UNC93A: variants seen among roughly 807,000 people sequenced by gnomAD.
UNC93A encodes the protein N-acetylglucosamine transporter UNC93A.
UNC93A carries 43 observed loss-of-function variants against 47.5 expected under a neutral mutation model. That is an observed-to-expected ratio of 0.91 (90% confidence interval 0.71 to 1.17). The LOEUF is 1.17. Among genes scored for constraint, UNC93A ranks in the 50% most tolerant of loss-of-function variants. The probability of loss-of-function intolerance (pLI) is 0.00; values close to 1 mark genes in which losing one functional copy is unlikely to be tolerated. For missense variants in UNC93A, 605 were observed against 577.6 expected, an observed-to-expected ratio of 1.05 and a Z score of -0.49; for synonymous variants, 280 against 258.0, an observed-to-expected ratio of 1.09 and a Z score of -0.82.
Position 167,296,049 on chromosome 6 carries a change from C to T in UNC93A, c.287C>T (p.Thr96Ile), listed in dbSNP as rs746613878. ...ACCCACAGGTACACTTTGATCCCCA[C>T]CTCCATACTGCTGGGACTCGGGGCC... is the stretch of plus-strand genomic sequence containing the variant. ...FFASWYTLIPTSILLGLGAAP... is the reference protein window; with the variant it reads ...FFASWYTLIPISILLGLGAAP... The change falls in exon 3 of 8, where the codon ACC (threonine) becomes ATC (isoleucine). Residue 96 changes from threonine (T) to isoleucine (I), a missense_variant. Thr to Ile is a moderately conservative substitution (Grantham distance 89). Transcript: ENST00000230256. 1.1e-5 allele frequency: 17 copies of T among 1,614,074 alleles called. No individual in the cohort carries two copies. Among genetic ancestry groups the T allele is most frequent in the Non-Finnish European group, 1.4e-5 (17 of 1,180,046 alleles).
chr6:167,272,816 C>T lies in UNC93A; in HGVS notation c.-52+1358C>T, dbSNP rs141664848. ...CCAAAGTTCTTATTTACAGAGGAAG[C>T]CTTCAGGTAGCAGGCTTCAGAGGGA... On this transcript the variant is annotated intron_variant, in intron 1 of 3. Transcript: ENST00000503433. 4.5e-3 allele frequency among the ~76,000 whole-genome samples: 681 copies of T among 152,222 alleles called. 8 individuals carry two copies. The highest frequency in any genetic ancestry group is 0.016 in the African/African-American group (661 of 41,522).
At chr6:167,293,570 T>A (rs1349944096) in intron 1 of UNC93A, among the ~76,000 whole-genome samples, 5 of 152,000 alleles carry the variant, frequency 3.3e-5, no homozygotes, top group Non-Finnish European at 1.5e-5. Context: ...CGAGCCCACC[T>A]CTCTCCAAGA....
At position 167,294,485 on chromosome 6, in the gene UNC93A, G is replaced by A. The variant is rs752278140; in HGVS notation, c.88-32G>A. On this transcript the variant is annotated intron_variant, in intron 1 of 7. Coordinates refer to ENST00000230256, the MANE Select transcript of UNC93A (RefSeq NM_018974.4). Reference sequence around the variant, plus strand: ...TGCCTCATCCCGCTGTGTCCATCCTGTGCTCTGACAGGGCTGGCTTTGTTC... The same window carrying A: ...TGCCTCATCCCGCTGTGTCCATCCTATGCTCTGACAGGGCTGGCTTTGTTC... The A allele has an allele frequency of 1.7e-5, 28 of 1,612,062 alleles. No homozygotes were observed. In the Admixed American group the frequency reaches 3.5e-4, roughly 20 times the overall value.
chr6:167,314,733 T>A (rs529149581), intron 7 of UNC93A, among the ~76,000 whole-genome samples: 1 of 152,316 alleles, frequency 6.6e-6, no homozygotes, highest in African/African-American at 2.4e-5. Context: ...CATTTGTCTC[T>A]TATCTACCCG....
intron 7 of UNC93A, among the ~76,000 whole-genome samples, chr6:167,314,921 G>A (rs1316873324): frequency 2.0e-5 from 3 of 152,088 alleles, no homozygotes; most frequent in Non-Finnish European, 4.4e-5. Flanking sequence ...ACCACCTTGG[G>A]CACATCTCGT....
At chr6:167,273,636 G>A (rs544268293) in intron 1 of UNC93A, among the ~76,000 whole-genome samples, 99 of 152,322 alleles carry the variant, frequency 6.5e-4, no homozygotes, top group Non-Finnish European at 1.2e-3. Flanking sequence ...AGAACGTGTG[G>A]CCCAGGTGAT....
intron 5 of UNC93A, among the ~76,000 whole-genome samples, chr6:167,305,075 C>A (rs1472542913): frequency 1.3e-5 from 2 of 151,950 alleles, no homozygotes; most frequent in African/African-American, 4.8e-5. Context: ...CTGGCAGAGG[C>A]TCTCCTTCCG....
intron 2 of UNC93A, 47 bp downstream of exon 2, chr6:167,294,745 C>A (rs114273617): frequency 3.9e-6 from 6 of 1,542,470 alleles, no homozygotes; most frequent in Non-Finnish European, 5.3e-6. Flanking sequence ...CCGTTCCCCA[C>A]GCTAGGGACG....
At chr6:167,283,753 C>A (rs1490478868) in intron 1 of UNC93A, among the ~76,000 whole-genome samples, 2 of 152,122 alleles carry the variant, frequency 1.3e-5, no homozygotes, top group African/African-American at 2.4e-5. Context: ...AACAGAGACC[C>A]TTCATCATGT....
intron 1 of UNC93A, among the ~76,000 whole-genome samples, chr6:167,274,491 C>T (rs1467787465): frequency 6.6e-6 from 1 of 152,252 alleles, no homozygotes; most frequent in Admixed American, 6.5e-5. Flanking sequence ...CCTCTTCCTG[C>T]CCAAATTTCT....
chr6:167,288,985 C>T (rs111591559), upstream of UNC93A, among the ~76,000 whole-genome samples: 778 of 147,546 alleles, frequency 5.3e-3, no homozygotes, highest in East Asian at 0.023. Context: ...CTGATAGAGC[C>T]CAGATGTTAA....
rs112751131 is a variant in UNC93A, at chr6:167,306,051, G to A, written c.976+1G>A. The A allele has an allele frequency of 9.7e-5, 157 of 1,614,092 alleles. No homozygotes were observed. In the African/African-American group the frequency reaches 1.7e-3, roughly 18 times the overall value. On this transcript the variant is annotated splice_donor_variant, in intron 6 of 7. Transcript: ENST00000230256. LOFTEE classifies it high-confidence loss of function. ...GGCAGGGCTGTGCTGTACGTGCTGG[G>A]TAGGTATCAGCGTGGGTCCCATCCC...
intron 1 of UNC93A, among the ~76,000 whole-genome samples, chr6:167,292,935 C>T (rs934197866): frequency 6.6e-6 from 1 of 152,096 alleles, no homozygotes; most frequent in Admixed American, 6.5e-5. Flanking sequence ...CTGGGGTCAG[C>T]ATTCCTAGGA....
Position 167,315,195 on chromosome 6 carries a change from G to T in UNC93A, c.1117G>T (p.Gly373Cys), listed in dbSNP as rs772759538. 7 of 1,613,584 alleles carry T rather than the reference G, an allele frequency of 4.3e-6. No individual in the cohort carries two copies. The highest frequency in any genetic ancestry group is 1.3e-5 in the African/African-American group (1 of 75,006). ...VWQTQNNALY[G>C]VLFEKSKEAA... Reference sequence around the variant, plus strand: ...CGCTCTCTCCTCTGCAGCTCTCTACGGCGTTCTGTTTGAGAAGAGCAAGGA... The same window carrying T: ...CGCTCTCTCCTCTGCAGCTCTCTACTGCGTTCTGTTTGAGAAGAGCAAGGA... The change falls in exon 8 of 8, where the codon GGC becomes TGC. Residue 373 changes from glycine to cysteine, a missense_variant. Physicochemically the swap from Gly to Cys is radical, Grantham distance 159. Coordinates refer to ENST00000230256, the MANE Select transcript of UNC93A (RefSeq NM_018974.4).
intron 1 of UNC93A, among the ~76,000 whole-genome samples, chr6:167,279,274 G>T (rs1355054882): frequency 6.6e-6 from 1 of 152,164 alleles, no homozygotes; most frequent in African/African-American, 2.4e-5. Flanking sequence ...GAGAGAAAGA[G>T]AGAGGGACAT....
intron 7 of UNC93A, among the ~76,000 whole-genome samples, chr6:167,309,658 C>T (rs1038738696): frequency 3.9e-5 from 6 of 152,298 alleles, no homozygotes; most frequent in African/African-American, 1.2e-4. Flanking sequence ...TGGCTGCTGT[C>T]CCTGCACTGA....
At chr6:167,313,400 A>G (rs1219780052) in intron 7 of UNC93A, among the ~76,000 whole-genome samples, 2 of 152,084 alleles carry the variant, frequency 1.3e-5, no homozygotes, top group South Asian at 2.1e-4. Context: ...GGGCCCGGAA[A>G]GTTTATGTTT....
intron 1 of UNC93A, among the ~76,000 whole-genome samples, chr6:167,272,674 A>G (rs1783468349): frequency 6.6e-6 from 1 of 152,198 alleles, no homozygotes; most frequent in Non-Finnish European, 1.5e-5. Flanking sequence ...ACCTATTGCT[A>G]TTAATAGCTT....
chr6:167,315,519 T>C lies in UNC93A; in HGVS notation c.*67T>C. On this transcript the variant is annotated 3_prime_UTR_variant, in exon 8 of 8. Transcript: ENST00000230256. ...CCAGAGAATTTTCTTAGAAGATGCC[T>C]CAGGACATAGAGCGGCTCCTCATCA... The C allele has an allele frequency of 3.1e-6, 5 of 1,612,064 alleles. No individual in the cohort carries two copies. The South Asian group carries it at 5.5e-5, about 18-fold the overall frequency.
Sources: allele counts gnomAD v4.1 joint callset (sites outside exome capture counted in the v4.1 genomes callset), GRCh38; gene constraint gnomAD v4.1.1; transcripts MANE v1.5; gene names NCBI Gene and HGNC (gene_info 2026-07-23, HGNC 2026-07-21).